Variants in MGA observed in about 807,000 individuals in gnomAD.
The protein encoded by MGA is MAX gene-associated protein.
A neutral mutation model predicts 261.1 loss-of-function variants in MGA; 40 were observed. That is an observed-to-expected ratio of 0.15 (90% CI 0.12 to 0.20). The LOEUF is 0.20. Among genes scored for constraint, MGA ranks in the 10% least tolerant of loss-of-function variants. The pLI is 1.00. For synonymous variants in MGA, 1,302 were observed against 1,290.6 expected, an observed-to-expected ratio of 1.01 and a Z score of -0.19; for missense variants, 3,397 against 3,630.5, an observed-to-expected ratio of 0.94 and a Z score of 1.65.
intron 2 of MGA, among the ~76,000 whole-genome samples, chr15:41,676,713 A>C (rs753754541): frequency 2.0e-5 from 3 of 152,174 alleles, no homozygotes; most frequent in Non-Finnish European, 2.9e-5. Flanking sequence ...TCTTACACAC[A>C]TTTTTTATAT....
upstream of MGA, among the ~76,000 whole-genome samples, chr15:41,656,401 G>T (rs937000442): frequency 1.0e-5 from 1 of 100,404 alleles, no homozygotes; most frequent in Non-Finnish European, 2.2e-5. Context: ...GAGTGCAGTG[G>T]CATGATCTTG....
At chr15:41,729,796 C>T (rs1038097483) in intron 11 of MGA, among the ~76,000 whole-genome samples, 1 of 152,154 alleles carries the variant, frequency 6.6e-6, no homozygotes, top group Non-Finnish European at 1.5e-5. Flanking sequence ...TATCATGCCA[C>T]TTTACTCCAG....
At chr15:41,693,955 C>T (rs1009047617) in intron 2 of MGA, among the ~76,000 whole-genome samples, 4 of 151,930 alleles carry the variant, frequency 2.6e-5, no homozygotes, top group Admixed American at 2.0e-4. Context: ...CAAATCACTG[C>T]CTTGCAGTGA....
intron 12 of MGA, among the ~76,000 whole-genome samples, chr15:41,735,477 C>T (rs550258557): frequency 6.6e-6 from 1 of 152,294 alleles, no homozygotes; most frequent in East Asian, 1.9e-4. Context: ...GTGGCTCACG[C>T]CTGTAATCCC....
At chr15:41,692,942 C>A (rs537606707) in intron 2 of MGA, among the ~76,000 whole-genome samples, 1 of 152,106 alleles carries the variant, frequency 6.6e-6, no homozygotes, top group African/African-American at 2.4e-5. Context: ...AGGTAGTCCA[C>A]CTGCATCAGC....
chr15:41,687,190 A>T (rs899114637), intron 2 of MGA, among the ~76,000 whole-genome samples: 4 of 151,434 alleles, frequency 2.6e-5, no homozygotes, highest in African/African-American at 9.7e-5. Context: ...TTTTGGTTTA[A>T]TTTGCCTTAG....
chr15:41,713,177 C>A lies in MGA; in HGVS notation c.3111C>A (p.His1037Gln), dbSNP rs1386653380. The A allele has an allele frequency of 6.2e-7, 1 of 1,613,376 alleles. No homozygotes were observed. Among genetic ancestry groups the A allele is most frequent in the East Asian group, 2.2e-5 (1 of 44,888 alleles). Residue 1037 changes from histidine (H) to glutamine (Q), a missense_variant, in exon 9 of 24, where the codon CAC (histidine) becomes CAA (glutamine). Coordinates refer to ENST00000219905, the MANE Select transcript of MGA (RefSeq NM_001164273.2). ...CATCCCTCAAAACTAAACCTATCCA[C>A]ACAATCATAAGGAAACGAGCCCCTC...
intron 9 of MGA, among the ~76,000 whole-genome samples, chr15:41,713,832 C>G (rs1321698541): frequency 6.6e-6 from 1 of 152,158 alleles, no homozygotes; most frequent in African/African-American, 2.4e-5. Flanking sequence ...ACGTACGTTC[C>G]TTGGAAAGAC....
intron 5 of MGA, among the ~76,000 whole-genome samples, chr15:41,700,475 T>TA (rs1368288843): frequency 5.9e-5 from 9 of 152,182 alleles, no homozygotes; most frequent in Admixed American, 5.9e-4. Context: ...ATCTCCCACT[T>TA]ACGAGTGAAA....
At chr15:41,664,289 A>T (rs2057597568) in intron 1 of MGA, among the ~76,000 whole-genome samples, 1 of 151,888 alleles carries the variant, frequency 6.6e-6, no homozygotes, top group Non-Finnish European at 1.5e-5. Flanking sequence ...AGAAAAACTC[A>T]GTGTGTGTAT....
Position 41,729,149 on chromosome 15 carries a change from G to C in MGA, c.3658-15G>C. ...TTCCCACTGTATGGAATATTTTGTT[G>C]TATGAAATTTACAGATTCGGGAAGA... On this transcript the variant is annotated splice_polypyrimidine_tract_variant and intron_variant, in intron 10 of 23. Coordinates refer to ENST00000219905, the MANE Select transcript of MGA (RefSeq NM_001164273.2). The C allele has an allele frequency of 6.2e-7, 1 of 1,610,280 alleles. No homozygotes were observed. Among genetic ancestry groups the C allele is most frequent in the Non-Finnish European group, 8.5e-7 (1 of 1,177,928 alleles).
At chr15:41,708,999 T>C in intron 7 of MGA, among the ~76,000 whole-genome samples, 1 of 152,202 alleles carries the variant, frequency 6.6e-6, no homozygotes, top group Non-Finnish European at 1.5e-5. Flanking sequence ...TTTCACAGTA[T>C]TTATAACAAT....
chr15:41,667,970 A>G (rs910098448), intron 1 of MGA, among the ~76,000 whole-genome samples: 1 of 151,518 alleles, frequency 6.6e-6, no homozygotes, highest in African/African-American at 2.4e-5. Context: ...CACCAGGCTA[A>G]TTTTTTAATT....
chr15:41,668,677 A>G (rs1338444398), intron 1 of MGA, among the ~76,000 whole-genome samples, 151 bp from the exon 2 acceptor site: 1 of 152,248 alleles, frequency 6.6e-6, no homozygotes, highest in African/African-American at 2.4e-5. Flanking sequence ...TCTTACTGTG[A>G]TTGAAAGAAA....
chr15:41,666,323 CTG>C (rs1319838899), intron 1 of MGA, among the ~76,000 whole-genome samples: 1 of 152,196 alleles, frequency 6.6e-6, no homozygotes, highest in Non-Finnish European at 1.5e-5. Context: ...GTTTTCTTTT[CTG>C]TCTTTCCAGA....
intron 5 of MGA, among the ~76,000 whole-genome samples, chr15:41,700,041 GTTTTTTTT>G (rs763919635): frequency 2.0e-5 from 2 of 101,572 alleles, no homozygotes; most frequent in Non-Finnish European, 3.8e-5. Context: ...TGTCATCGAG[GTTTTTTTT>G]TTTTTTTTTT....
rs1491528643 is a variant in MGA, at chr15:41,762,460, G to GTTTTTTTTTTTTTTTTTTT, written c.7744+98_7744+99insTTTTTTTTTTTTTTTTTTT. On this transcript the variant is annotated intron_variant, in intron 22 of 23. Transcript: ENST00000219905. Reference sequence around the variant, plus strand: ...CTTGTCCACATTTTTAGTTTTGTGTGGTTTTTTTTTTTTTTTTTTTTTTTT... The same window carrying GTTTTTTTTTTTTTTTTTTT: ...CTTGTCCACATTTTTAGTTTTGTGTGTTTTTTTTTTTTTTTTTTTGTTTTTTTTTTTTTTTTTTTTTTTT... 5.3e-5 allele frequency: 10 copies of GTTTTTTTTTTTTTTTTTTT among 190,296 alleles called. 2 individuals are homozygous for GTTTTTTTTTTTTTTTTTTT. The highest frequency in any genetic ancestry group is 4.2e-4 in the African/African-American group (10 of 23,890). 11.8% of individuals were successfully genotyped at this position (190,296 alleles called of 1,614,324 possible).
At chr15:41,760,642 G>T (rs2063399424) in intron 20 of MGA, 113 bp downstream of exon 20, 3 of 1,018,782 alleles carry the variant, frequency 2.9e-6, no homozygotes, top group Admixed American at 4.5e-5. Context: ...CTGCTTAAAT[G>T]TAACAGATGA....
chr15:41,674,675 A>G (rs1054626559), intron 2 of MGA, among the ~76,000 whole-genome samples: 16 of 152,076 alleles, frequency 1.1e-4, no homozygotes, highest in African/African-American at 3.6e-4. Context: ...GCATGCCACC[A>G]CAGCCAACTA....
Sources: gnomAD v4.1 joint callset for allele counts (sites outside exome capture counted in the v4.1 genomes callset) on GRCh38, gnomAD v4.1.1 for gene constraint, MANE v1.5 for transcripts, NCBI Gene and HGNC (gene_info 2026-07-23, HGNC 2026-07-21) for gene names.